AMOTL1: variants seen among roughly 807,000 people sequenced by gnomAD.
AMOTL1 encodes the protein angiomotin like 1.
AMOTL1 carries 45 observed loss-of-function variants against 102.9 expected under a neutral mutation model. That is an observed-to-expected ratio of 0.44 (90% CI 0.34 to 0.56). The LOEUF (loss-of-function observed/expected upper bound fraction) is 0.56. Among genes scored for constraint, AMOTL1 ranks in the 20% least tolerant of loss-of-function variants. The pLI is 0.01. For missense variants in AMOTL1, 1,114 were observed against 1,225.6 expected, an observed-to-expected ratio of 0.91 and a Z score of 1.36; for synonymous variants, 481 against 484.7, an observed-to-expected ratio of 0.99 and a Z score of 0.10.
intron 3 of AMOTL1, among the ~76,000 whole-genome samples, chr11:94,745,346 T>C (rs1037882903): frequency 6.6e-6 from 1 of 151,740 alleles, no homozygotes; most frequent in African/African-American, 2.4e-5. Flanking sequence ...TGGTTGGTTC[T>C]TCCCACAACC....
chr11:94,728,753 T>C (rs1950299718), intron 1 of AMOTL1, among the ~76,000 whole-genome samples: 1 of 152,164 alleles, frequency 6.6e-6, no homozygotes, highest in African/African-American at 2.4e-5. Context: ...TTTGTGGGCT[T>C]GAGCAACTTC....
At chr11:94,861,520 T>C (rs138949599) in intron 9 of AMOTL1, among the ~76,000 whole-genome samples, 1 of 152,322 alleles carries the variant, frequency 6.6e-6, no homozygotes, top group African/African-American at 2.4e-5. Context: ...AATGCTTTAA[T>C]GGAAAGAACG....
chr11:94,834,584 T>TC (rs201040141), intron 6 of AMOTL1, among the ~76,000 whole-genome samples: 1 of 151,536 alleles, frequency 6.6e-6, no homozygotes, highest in African/African-American at 2.4e-5. Context: ...AGAGCGAGAC[T>TC]CCGTCTCAAA....
chr11:94,797,041 T>C (rs1951381874), intron 2 of AMOTL1: 1 of 983,896 alleles, frequency 1.0e-6, no homozygotes, highest in African/African-American at 1.7e-5. Context: ...AATATGACAC[T>C]TCTATCTGGA....
rs766696747 is a variant in AMOTL1 at position 94,869,402 on chromosome 11, G to A, written c.2693G>A (p.Arg898Gln). The A allele has an allele frequency of 6.2e-6, 10 of 1,604,996 alleles. No individual in the cohort carries two copies. The highest frequency in any genetic ancestry group is 7.7e-6 in the Non-Finnish European group (9 of 1,176,150). The change falls in exon 12 of 13, where the codon CGG becomes CAG. Residue 898 changes from arginine to glutamine, a missense_variant. Coordinates refer to ENST00000433060, the MANE Select transcript of AMOTL1 (RefSeq NM_130847.3). Reference protein sequence around the residue: ...PSMASLPSRGRLSTTPAHSPV... With the variant: ...PSMASLPSRGQLSTTPAHSPV... ...ATGGCCTCCCTTCCCAGCCGCGGCCGGCTGAGCACGACCCCTGCTCACAGC... is the reference window on the plus strand; with the variant it reads ...ATGGCCTCCCTTCCCAGCCGCGGCCAGCTGAGCACGACCCCTGCTCACAGC...
At chr11:94,785,576 C>T (rs145816530) in intron 1 of AMOTL1, among the ~76,000 whole-genome samples, 1 of 152,230 alleles carries the variant, frequency 6.6e-6, no homozygotes, top group East Asian at 1.9e-4. Context: ...CATTCATGAA[C>T]GCATATTGAT....
intron 1 of AMOTL1, among the ~76,000 whole-genome samples, chr11:94,772,667 G>A (rs1950971515): frequency 6.6e-6 from 1 of 152,074 alleles, no homozygotes; most frequent in Non-Finnish European, 1.5e-5. Flanking sequence ...AAGTTTTTAT[G>A]AACATTTATA....
intron 6 of AMOTL1, among the ~76,000 whole-genome samples, chr11:94,842,961 C>T (rs953799766): frequency 1.3e-5 from 2 of 152,182 alleles, no homozygotes; most frequent in African/African-American, 2.4e-5. Flanking sequence ...AACCAGCCCT[C>T]GCTGGAGTGT....
At chr11:94,768,298 G>A (rs938634539), upstream of AMOTL1, 17 of 1,343,686 alleles carry the variant, frequency 1.3e-5, no homozygotes, top group African/African-American at 2.2e-4. Context: ...CTAGTGACGA[G>A]CCCGGGCGAC....
chr11:94,748,096 G>C (rs1274629024), intron 3 of AMOTL1, among the ~76,000 whole-genome samples: 2 of 152,188 alleles, frequency 1.3e-5, no homozygotes, highest in East Asian at 3.8e-4. Flanking sequence ...CCATGTGGGT[G>C]CTTGGTCTTG....
At chr11:94,819,861 G>A (rs1951833435) in intron 3 of AMOTL1, among the ~76,000 whole-genome samples, 2 of 152,168 alleles carry the variant, frequency 1.3e-5, no homozygotes, top group South Asian at 2.1e-4. Context: ...AGGAGCCCTT[G>A]GCTTAGGTTG....
chr11:94,868,826 C>G (rs1053783554), intron 11 of AMOTL1, among the ~76,000 whole-genome samples: 1 of 152,090 alleles, frequency 6.6e-6, no homozygotes, highest in South Asian at 2.1e-4. Context: ...CCCTACCCCT[C>G]CTGCTGGCAA....
At chr11:94,786,195 A>G (rs953019216) in intron 1 of AMOTL1, among the ~76,000 whole-genome samples, 17 of 152,216 alleles carry the variant, frequency 1.1e-4, no homozygotes, top group African/African-American at 4.1e-4. Flanking sequence ...TATATATTAT[A>G]ATGTTACTAT....
At chr11:94,770,982 T>C (rs1376182627) in intron 1 of AMOTL1, among the ~76,000 whole-genome samples, 1 of 152,304 alleles carries the variant, frequency 6.6e-6, no homozygotes, top group East Asian at 1.9e-4. Flanking sequence ...ATGAGCAGTC[T>C]GGCTGGTGAG....
rs1393896565 is a variant in AMOTL1, at chr11:94,869,376, C to G, written c.2667C>G (p.Ser889Arg). 4 of 1,608,504 alleles carry G rather than the reference C, an allele frequency of 2.5e-6. No homozygotes were observed. The highest frequency in any genetic ancestry group is 3.4e-6 in the Non-Finnish European group (4 of 1,177,702). ...TDKSAELFWPSMASLPSRGRL... is the reference protein window; with the variant it reads ...TDKSAELFWPRMASLPSRGRL... ...AGAGTGCCGAGCTCTTCTGGCCCAG[C>G]ATGGCCTCCCTTCCCAGCCGCGGCC... The change falls in exon 12 of 13, where the codon AGC becomes AGG. Residue 889 changes from serine to arginine, a missense_variant. By Grantham distance (110) the Ser-to-Arg change is moderately radical. Coordinates refer to ENST00000433060, the MANE Select transcript of AMOTL1 (RefSeq NM_130847.3).
chr11:94,830,262 T>C, intron 5 of AMOTL1, 68 bp downstream of exon 5: 1 of 1,449,576 alleles, frequency 6.9e-7, no homozygotes, highest in Non-Finnish European at 9.2e-7. Flanking sequence ...AAGCACGACT[T>C]CAAGGCCAGA....
chr11:94,846,250 T>C (rs942876526), intron 6 of AMOTL1, among the ~76,000 whole-genome samples: 2 of 152,220 alleles, frequency 1.3e-5, no homozygotes, highest in African/African-American at 4.8e-5. Flanking sequence ...CCTTGTCACA[T>C]TGCCTTTGCC....
chr11:94,788,193 T>C (rs1343475020), intron 1 of AMOTL1, among the ~76,000 whole-genome samples: 1 of 152,096 alleles, frequency 6.6e-6, no homozygotes, highest in Non-Finnish European at 1.5e-5. Context: ...CAGTGTTCCC[T>C]AACATTGAAA....
chr11:94,748,549 G>C (rs1950614671), intron 3 of AMOTL1, among the ~76,000 whole-genome samples: 2 of 152,192 alleles, frequency 1.3e-5, no homozygotes, highest in African/African-American at 2.4e-5. Context: ...ACAAGTTATA[G>C]GAAGCACATC....
Sources: gnomAD v4.1 joint callset for allele counts (sites outside exome capture counted in the v4.1 genomes callset) on GRCh38, gnomAD v4.1.1 for gene constraint, MANE v1.5 for transcripts, NCBI Gene and HGNC (gene_info 2026-07-23, HGNC 2026-07-21) for gene names.